RCOR1: variants seen among roughly 807,000 people sequenced by gnomAD.
The protein encoded by RCOR1 is REST corepressor 1, also known as REST corepressor.
In RCOR1, 12 loss-of-function variants were observed where a neutral mutation model predicts 64.0. That is an observed-to-expected ratio of 0.19 (90% CI 0.12 to 0.30). The LOEUF (loss-of-function observed/expected upper bound fraction) is 0.30, where lower values mean the gene tolerates loss of function less well. Among genes scored for constraint, RCOR1 ranks in the 10% least tolerant of loss-of-function variants. RCOR1 has a pLI of 1.00. For missense variants in RCOR1, 502 were observed against 621.2 expected (o/e 0.81, Z 2.04); for synonymous variants, 279 against 227.2 (o/e 1.23, Z -2.05).
intron 2 of RCOR1, among the ~76,000 whole-genome samples, chr14:102,605,697 A>G (rs533565127): frequency 6.6e-6 from 1 of 152,332 alleles, no homozygotes; most frequent in African/African-American, 2.4e-5. Context: ...TGGTTATTTT[A>G]GAGTGTATTC....
At chr14:102,668,066 A>G (rs1050374857) in intron 2 of RCOR1, among the ~76,000 whole-genome samples, 1 of 152,136 alleles carries the variant, frequency 6.6e-6, no homozygotes, top group Non-Finnish European at 1.5e-5. Context: ...AAAAAGAGGA[A>G]CCCAGGGAAC....
chr14:102,632,196 G>A (rs1894126999), intron 2 of RCOR1, among the ~76,000 whole-genome samples: 1 of 148,076 alleles, frequency 6.8e-6, no homozygotes, highest in African/African-American at 2.5e-5. Context: ...TGAATTTCCT[G>A]AGAAATAATT....
chr14:102,651,501 C>T (rs1271761835), intron 2 of RCOR1, among the ~76,000 whole-genome samples: 2 of 149,846 alleles, frequency 1.3e-5, no homozygotes, highest in South Asian at 2.1e-4. Context: ...TGCAGTGAGC[C>T]GAGATTGCGC....
intron 2 of RCOR1, among the ~76,000 whole-genome samples, chr14:102,636,826 C>T: frequency 6.6e-6 from 1 of 151,792 alleles, no homozygotes; most frequent in East Asian, 2.0e-4. Context: ...CAAAAATTAG[C>T]TGGGCATGGT....
Position 102,593,315 on chromosome 14 carries a change from CT to C in RCOR1, c.353del (p.Phe118SerfsTer109). 1 of 1,547,298 alleles carries C rather than the reference CT, an allele frequency of 6.5e-7. No homozygotes were observed. The highest frequency in any genetic ancestry group is 8.7e-7 in the Non-Finnish European group (1 of 1,153,662). ...CCCAGTACCAGGCGGTGGTGCCCGA[CT>C]TCGACCCCGGTGAGTAGCGGCCCCG... ...GPQYQAVVPD[F>X]DPAKLARRSQ... On this transcript the variant is annotated frameshift_variant, in exon 2 of 12. Transcript: ENST00000262241. LOFTEE classifies it high-confidence loss of function.
intron 2 of RCOR1, among the ~76,000 whole-genome samples, chr14:102,630,272 C>T (rs1182316200): frequency 2.0e-5 from 3 of 152,182 alleles, no homozygotes; most frequent in Non-Finnish European, 2.9e-5. Context: ...CATGTGACCT[C>T]TTCACATGCT....
At chr14:102,608,785 T>C (rs1893567786) in intron 2 of RCOR1, among the ~76,000 whole-genome samples, 1 of 151,616 alleles carries the variant, frequency 6.6e-6, no homozygotes, top group Non-Finnish European at 1.5e-5. Context: ...GGCTGGTCTC[T>C]AACTCCTGAC....
intron 2 of RCOR1, among the ~76,000 whole-genome samples, chr14:102,671,820 G>T (rs908619782): frequency 6.6e-6 from 1 of 152,184 alleles, no homozygotes; most frequent in Non-Finnish European, 1.5e-5. Flanking sequence ...ATGAAGAAAT[G>T]CTGTACCTGT....
At chr14:102,593,760 TCC>T (rs1893185296) in intron 2 of RCOR1, among the ~76,000 whole-genome samples, 1 of 152,100 alleles carries the variant, frequency 6.6e-6, no homozygotes, top group Non-Finnish European at 1.5e-5. Flanking sequence ...CAAAGGCTGC[TCC>T]CCACGCCTTT....
chr14:102,596,556 GT>G (rs1893252907), intron 2 of RCOR1, among the ~76,000 whole-genome samples: 1 of 151,858 alleles, frequency 6.6e-6, no homozygotes, highest in African/African-American at 2.4e-5. Flanking sequence ...CCTCCTACTT[GT>G]TTTTTTCTTT....
At chr14:102,635,095 A>C (rs748421910) in intron 2 of RCOR1, among the ~76,000 whole-genome samples, 7 of 152,012 alleles carry the variant, frequency 4.6e-5, no homozygotes, top group Non-Finnish European at 8.8e-5. Flanking sequence ...TGGCCTCCTA[A>C]AGTGCTAGGA....
intron 7 of RCOR1, among the ~76,000 whole-genome samples, chr14:102,712,523 C>T (rs1895980913): frequency 1.3e-5 from 2 of 151,980 alleles, no homozygotes; most frequent in Admixed American, 6.6e-5. Context: ...GTTGTTTATT[C>T]CTCCTGTTTT....
intron 3 of RCOR1, among the ~76,000 whole-genome samples, chr14:102,698,545 A>G (rs1341905498): frequency 2.0e-5 from 3 of 152,246 alleles, no homozygotes; most frequent in Non-Finnish European, 4.4e-5. Flanking sequence ...TTCACCAAGT[A>G]TTTATTAAAG....
chr14:102,608,919 C>T (rs142146554), intron 2 of RCOR1, among the ~76,000 whole-genome samples: 1,550 of 151,246 alleles, frequency 0.01, 16 homozygotes, highest in Admixed American at 0.016. Context: ...TATTGTGAAC[C>T]GTGCTGTTAT....
intron 2 of RCOR1, among the ~76,000 whole-genome samples, chr14:102,607,090 C>T (rs984172325): frequency 3.9e-4 from 59 of 152,162 alleles, no homozygotes; most frequent in African/African-American, 1.3e-3. Context: ...TGCTCCACCA[C>T]GTCTGGCTGA....
chr14:102,616,637 G>A (rs1302755726), intron 2 of RCOR1, among the ~76,000 whole-genome samples: 2 of 152,102 alleles, frequency 1.3e-5, no homozygotes, highest in Non-Finnish European at 2.9e-5. Context: ...GGCCAGGATT[G>A]AAATGGTCCC....
At chr14:102,676,439 C>A (rs1224438446) in intron 2 of RCOR1, among the ~76,000 whole-genome samples, 1 of 118,300 alleles carries the variant, frequency 8.5e-6, no homozygotes, top group Non-Finnish European at 1.7e-5. Flanking sequence ...CCTCACCTCC[C>A]GGACGGGGCG....
At chr14:102,639,562 C>T (rs1894321532) in intron 2 of RCOR1, among the ~76,000 whole-genome samples, 2 of 149,614 alleles carry the variant, frequency 1.3e-5, no homozygotes, top group East Asian at 3.9e-4. Flanking sequence ...GAGATGGAGT[C>T]TCGCTCTGTT....
intron 2 of RCOR1, among the ~76,000 whole-genome samples, chr14:102,639,724 A>G (rs562867548): frequency 4.4e-4 from 66 of 151,200 alleles, no homozygotes; most frequent in South Asian, 2.9e-3. Flanking sequence ...GTGGAGATGC[A>G]GTTTCACCAT....
Sources: gnomAD v4.1 joint callset for allele counts (sites outside exome capture counted in the v4.1 genomes callset) on GRCh38, gnomAD v4.1.1 for gene constraint, MANE v1.5 for transcripts, NCBI Gene and HGNC (gene_info 2026-07-23, HGNC 2026-07-21) for gene names.